Variants in GNPTAB observed in about 807,000 individuals in gnomAD.
The protein encoded by GNPTAB is N-acetylglucosamine-1-phosphotransferase subunits alpha/beta.
Under a neutral mutation model 136.6 loss-of-function variants are expected in GNPTAB, and 92 were observed. That is an observed-to-expected ratio of 0.67 (90% confidence interval 0.57 to 0.80). The LOEUF (loss-of-function observed/expected upper bound fraction) is 0.80. Ranked by LOEUF, GNPTAB falls within the 30% of genes least tolerant of loss-of-function variation. The pLI, the probability that GNPTAB is intolerant of heterozygous loss-of-function variation, is 0.00. For synonymous variants in GNPTAB, 512 were observed against 535.1 expected (o/e 0.96, Z 0.60); for missense variants, 1,343 against 1,501.8 (o/e 0.89, Z 1.75).
chr12:101,780,120 C>T (rs1388366980), intron 7 of GNPTAB, 32 bp downstream of exon 7: 1 of 1,600,382 alleles, frequency 6.2e-7, no homozygotes, highest in African/African-American at 1.3e-5. Flanking sequence ...GAGAATGTGC[C>T]AGGCTAATTG....
chr12:101,781,711 G>A (rs150135691), intron 5 of GNPTAB, among the ~76,000 whole-genome samples: 34 of 152,136 alleles, frequency 2.2e-4, no homozygotes, highest in Middle Eastern at 3.4e-3. Context: ...AATATAGTTG[G>A]TGAGCACTGA....
At chr12:101,780,032 C>A in intron 7 of GNPTAB, 120 bp downstream of exon 7, 1 of 974,852 alleles carries the variant, frequency 1.0e-6, no homozygotes, top group Non-Finnish European at 1.6e-6. Flanking sequence ...AGAACAGAAT[C>A]CCTCTTTGCT....
At position 101,749,084 on chromosome 12, in the gene GNPTAB, A is replaced by G. The variant is rs776132176; in HGVS notation, c.3693+17T>C. On this transcript the variant is annotated intron_variant, in intron 20 of 20. Coordinates refer to ENST00000299314, the MANE Select transcript of GNPTAB (RefSeq NM_024312.5). ...AGAAATACCATTTAATACCCACATA[A>G]AATATATAAAACTTACCTGCTCAGC... The G allele has an allele frequency of 1.2e-5, 17 of 1,385,332 alleles. No individual in the cohort carries two copies. The highest frequency in any genetic ancestry group is 1.7e-5 in the Non-Finnish European group (17 of 972,524). The allele number at this position is 1,385,332 out of a possible 1,614,324, so 85.8% of individuals were successfully genotyped here.
rs1428026860 is a variant in GNPTAB, at chr12:101,830,858, T to C, written c.-183A>G. ...CTCGGCTCCGCGCCGCGGCCGCCGC[T>C]TCCGGGAGCCGGGAGCCCACGCCCT... On this transcript the variant is annotated 5_prime_UTR_variant, in exon 1 of 21. Transcript: ENST00000299314. 6.3e-6 allele frequency: 1 copy of C among 158,812 alleles called. No individual in the cohort carries two copies. Among genetic ancestry groups the C allele is most frequent in the Non-Finnish European group, 1.4e-5 (1 of 73,110 alleles). The allele number at this position is 158,812 out of a possible 1,614,324, so 9.8% of individuals were successfully genotyped here. A position where few individuals can be genotyped will look rare whatever the true frequency, so the allele number is the denominator to read the frequency against.
At chr12:101,775,135 G>T (rs891300940) in intron 7 of GNPTAB, among the ~76,000 whole-genome samples, 2 of 152,180 alleles carry the variant, frequency 1.3e-5, no homozygotes, top group Non-Finnish European at 2.9e-5. Context: ...TGGTCTAGAA[G>T]AACATGCAAA....
intron 10 of GNPTAB, among the ~76,000 whole-genome samples, chr12:101,769,132 A>G (rs1417039083): frequency 1.3e-5 from 2 of 151,406 alleles, no homozygotes; most frequent in African/African-American, 4.8e-5. Flanking sequence ...GTTTACGGTG[A>G]TAAGTCTCTA....
At chr12:101,830,480 T>C (rs571286719) in intron 1 of GNPTAB, 79 bp downstream of exon 1, 8 of 781,528 alleles carry the variant, frequency 1.0e-5, no homozygotes, top group South Asian at 5.7e-5. Flanking sequence ...AAATACATAC[T>C]GTATCGGGGC....
intron 1 of GNPTAB, among the ~76,000 whole-genome samples, chr12:101,808,375 T>TAAAAA (rs779978335): frequency 9.4e-6 from 1 of 106,712 alleles, no homozygotes; most frequent in Non-Finnish European, 1.9e-5. Flanking sequence ...CCCGGGCAAT[T>TAAAAA]AAAAAAAAAA....
At chr12:101,826,319 T>G (rs1217354696) in intron 1 of GNPTAB, among the ~76,000 whole-genome samples, 3 of 152,156 alleles carry the variant, frequency 2.0e-5, no homozygotes, top group Non-Finnish European at 2.9e-5. Flanking sequence ...CCATACTTAG[T>G]GCACAAAGGA....
intron 7 of GNPTAB, 30 bp downstream of exon 7, chr12:101,780,122 G>C (rs756141483): frequency 6.2e-7 from 1 of 1,602,984 alleles, no homozygotes; most frequent in Admixed American, 1.7e-5. Context: ...GAATGTGCCA[G>C]GCTAATTGCT....
intron 1 of GNPTAB, among the ~76,000 whole-genome samples, chr12:101,800,787 A>G (rs953046660): frequency 1.3e-5 from 2 of 152,076 alleles, no homozygotes; most frequent in South Asian, 2.1e-4. Flanking sequence ...CAAAATAAAA[A>G]GAAAACAAAA....
At chr12:101,789,878 C>G in intron 3 of GNPTAB, 60 bp downstream of exon 3, 1 of 1,496,728 alleles carries the variant, frequency 6.7e-7, no homozygotes, top group South Asian at 1.1e-5. Context: ...ATGTGCCACC[C>G]TCAGACCTTA....
intron 1 of GNPTAB, among the ~76,000 whole-genome samples, chr12:101,822,658 G>C (rs891301643): frequency 9.9e-5 from 15 of 152,190 alleles, no homozygotes; most frequent in African/African-American, 3.6e-4. Flanking sequence ...CCTGCAGCAG[G>C]CCTGTACTGG....
chr12:101,803,896 G>A (rs1323246374), intron 1 of GNPTAB, among the ~76,000 whole-genome samples: 2 of 152,092 alleles, frequency 1.3e-5, no homozygotes. Context: ...AGATTTGTTT[G>A]CCAGTTGGGG....
rs1451892858 is a variant in GNPTAB at position 101,761,762 on chromosome 12, T to G, written c.2717A>C (p.Glu906Ala). ...KKKYFQDLLD[E>A]EESLKTQLAY... ...CAATTGTGTCTTCAATGACTCTTCT[T>G]CCTGAAAAGAGAATTCTACATGTAA... Residue 906 changes from glutamate (E) to alanine (A), a missense_variant and splice_region_variant, in exon 14 of 21, where the codon GAA (glutamate) becomes GCA (alanine). Transcript: ENST00000299314. 5 of 1,607,808 alleles carry G rather than the reference T, an allele frequency of 3.1e-6. No individual in the cohort carries two copies. Among genetic ancestry groups the G allele is most frequent in the Non-Finnish European group, 4.3e-6 (5 of 1,174,474 alleles).
intron 2 of GNPTAB, among the ~76,000 whole-genome samples, chr12:101,795,449 A>C (rs973791758): frequency 2.6e-5 from 4 of 152,174 alleles, no homozygotes; most frequent in African/African-American, 9.7e-5. Context: ...AAAAATACTT[A>C]ATTCATTTTA....
intron 2 of GNPTAB, among the ~76,000 whole-genome samples, chr12:101,792,395 T>C (rs1869044713): frequency 6.6e-6 from 1 of 152,218 alleles, no homozygotes; most frequent in Non-Finnish European, 1.5e-5. Context: ...AATCACCTTA[T>C]TCTCTGGCAT....
chr12:101,805,360 G>A (rs1869876275), intron 1 of GNPTAB, among the ~76,000 whole-genome samples: 1 of 152,128 alleles, frequency 6.6e-6, no homozygotes, highest in Admixed American at 6.5e-5. Flanking sequence ...AATTTGAAAT[G>A]CTAAAAAGTC....
chr12:101,757,075 T>G (rs1365329562), intron 18 of GNPTAB, 137 bp downstream of exon 18: 2 of 613,710 alleles, frequency 3.3e-6, no homozygotes, highest in Non-Finnish European at 5.7e-6. Flanking sequence ...TATCTCTCAC[T>G]CAACCACCAG....
Sources: gnomAD v4.1 joint callset for allele counts (sites outside exome capture counted in the v4.1 genomes callset) on GRCh38, gnomAD v4.1.1 for gene constraint, MANE v1.5 for transcripts, NCBI Gene and HGNC (gene_info 2026-07-23, HGNC 2026-07-21) for gene names.